ZNG1E: variants seen among roughly 807,000 people sequenced by gnomAD.
The protein encoded by ZNG1E is zinc-regulated GTPase metalloprotein activator 1E.
chr9:65,672,651 G>A, the ZNG1E span, among the ~76,000 whole-genome samples: 2 of 150,900 alleles, frequency 1.3e-5, no homozygotes, highest in African/African-American at 4.9e-5. Context: ...AGCTGAGGCA[G>A]GAGAATCGCT....
the ZNG1E span, among the ~76,000 whole-genome samples, chr9:65,680,821 C>G: frequency 6.6e-6 from 1 of 151,988 alleles, no homozygotes; most frequent in Admixed American, 6.6e-5. Context: ...TGGAGTCTCA[C>G]TGTGTTGCCC....
chr9:65,658,317 AAAT>A, the ZNG1E span, among the ~76,000 whole-genome samples: 1 of 151,904 alleles, frequency 6.6e-6, no homozygotes, highest in South Asian at 2.1e-4. Context: ...TTTGAACAAT[AAAT>A]AATAGTAGAA....
At chr9:65,671,583 G>C in the ZNG1E span, among the ~76,000 whole-genome samples, 2 of 152,230 alleles carry the variant, frequency 1.3e-5, no homozygotes, top group Non-Finnish European at 2.9e-5. Context: ...GCTTTCCAAA[G>C]TGCTGGGATT....
chr9:65,714,686 TACCTCCCAGGGGGTG>T, the ZNG1E span, among the ~76,000 whole-genome samples: 2,053 of 151,292 alleles, frequency 0.014, 1 homozygote, highest in African/African-American at 0.046. Flanking sequence ...GCCTCCCAGT[TACCTCCCAGGGGGTG>T]ACCTCCCAGG....
chr9:65,684,042 GAAGA>G, the ZNG1E span, among the ~76,000 whole-genome samples: 1 of 152,268 alleles, frequency 6.6e-6, no homozygotes, highest in Non-Finnish European at 1.5e-5. Flanking sequence ...CTTTTCAGAG[GAAGA>G]AAGAAAAACT....
the ZNG1E span, among the ~76,000 whole-genome samples, chr9:65,655,070 G>A: frequency 6.6e-6 from 1 of 151,306 alleles, no homozygotes; most frequent in Non-Finnish European, 1.5e-5. Flanking sequence ...TCTTTCCTAG[G>A]AAATGATATA....
chr9:65,658,364 T>G, the ZNG1E span, among the ~76,000 whole-genome samples: 14 of 151,460 alleles, frequency 9.2e-5, no homozygotes, highest in South Asian at 2.1e-4. Flanking sequence ...ATGATAAATT[T>G]GAGCCAATCT....
chr9:65,659,252 C>A, the ZNG1E span, among the ~76,000 whole-genome samples: 1 of 151,826 alleles, frequency 6.6e-6, no homozygotes. Flanking sequence ...AATCCCAGAA[C>A]TTTAGGAGGC....
At chr9:65,680,916 G>A in the ZNG1E span, among the ~76,000 whole-genome samples, 1,141 of 150,724 alleles carry the variant, frequency 7.6e-3, no homozygotes, top group Admixed American at 0.022. Context: ...AGCCGCCTGA[G>A]TAGCTGGGAC....
At chr9:65,714,640 G>A in the ZNG1E span, among the ~76,000 whole-genome samples, 1 of 152,222 alleles carries the variant, frequency 6.6e-6, no homozygotes, top group South Asian at 2.1e-4. Flanking sequence ...GGAGTACCCG[G>A]CCGTGTGAGG....
At chr9:65,708,409 T>C in the ZNG1E span, 1 of 164,260 alleles carries the variant, frequency 6.1e-6, no homozygotes, top group Non-Finnish European at 1.3e-5. Context: ...ATGAATGAAA[T>C]CAAATCATGT....
the ZNG1E span, among the ~76,000 whole-genome samples, chr9:65,662,122 T>C: frequency 6.6e-6 from 1 of 152,240 alleles, no homozygotes; most frequent in Non-Finnish European, 1.5e-5. Context: ...CCTGAAGTGA[T>C]GCACAGAGAA....
the ZNG1E span, among the ~76,000 whole-genome samples, chr9:65,710,206 G>GT: frequency 5.6e-5 from 8 of 144,142 alleles, no homozygotes; most frequent in East Asian, 3.9e-4. Flanking sequence ...GGGTTGTTTG[G>GT]TTTTTTCTTG....
At chr9:65,684,575 TAC>T in the ZNG1E span, among the ~76,000 whole-genome samples, 185 of 140,516 alleles carry the variant, frequency 1.3e-3, no homozygotes, top group East Asian at 0.033. Flanking sequence ...CACACATTCA[TAC>T]ACACACACAC....
chr9:65,720,983 A>G, the ZNG1E span, among the ~76,000 whole-genome samples: 35 of 147,978 alleles, frequency 2.4e-4, no homozygotes, highest in Non-Finnish European at 2.9e-5. Flanking sequence ...AAAAAAAAAA[A>G]AAAAAACCCA....
chr9:65,685,043 TAA>T, the ZNG1E span, among the ~76,000 whole-genome samples: 1,354 of 107,210 alleles, frequency 0.013, 1 homozygote, highest in African/African-American at 0.038. Flanking sequence ...CCCCATTTCT[TAA>T]AAAAAAAAAA....
the ZNG1E span, among the ~76,000 whole-genome samples, chr9:65,678,579 G>A: frequency 1.4e-5 from 2 of 146,208 alleles, no homozygotes; most frequent in Non-Finnish European, 3.0e-5. Context: ...TCATACAGTT[G>A]AACTACAATA....
the ZNG1E span, among the ~76,000 whole-genome samples, chr9:65,709,181 C>T: frequency 7.1e-6 from 1 of 141,440 alleles, no homozygotes; most frequent in Non-Finnish European, 1.5e-5. Flanking sequence ...TGATAGTTAA[C>T]TTTAGAGGCT....
chr9:65,673,773 C>T, the ZNG1E span, among the ~76,000 whole-genome samples: 10 of 152,396 alleles, frequency 6.6e-5, no homozygotes, highest in African/African-American at 2.4e-4. Context: ...CCAATGCAAT[C>T]CCTGCTGGGC....
Sources: gnomAD v4.1 joint callset for allele counts (sites outside exome capture counted in the v4.1 genomes callset) on GRCh38, gnomAD v4.1.1 for gene constraint, MANE v1.5 for transcripts, NCBI Gene and HGNC (gene_info 2026-07-23, HGNC 2026-07-21) for gene names.